Variants in PIEZO2 observed in about 807,000 individuals in gnomAD.
The protein encoded by PIEZO2 is piezo-type mechanosensitive ion channel component 2.
PIEZO2 carries 172 observed loss-of-function variants against 337.3 expected under a neutral mutation model. That is an observed-to-expected ratio of 0.51 (90% CI 0.45 to 0.58). PIEZO2 has a LOEUF of 0.58. PIEZO2 is among the 20% of genes least tolerant of loss of function. The probability of loss-of-function intolerance (pLI) is 0.00; values close to 1 mark genes in which losing one functional copy is unlikely to be tolerated. For missense variants in PIEZO2, 3,028 were observed against 3,391.3 expected (o/e 0.89, Z 2.66); for synonymous variants, 1,251 against 1,228.5 (o/e 1.02, Z -0.38).
intron 3 of PIEZO2, among the ~76,000 whole-genome samples, chr18:10,925,745 T>C (rs1028277415): frequency 9.9e-5 from 15 of 152,234 alleles, no homozygotes; most frequent in African/African-American, 3.1e-4. Context: ...ATCTTCGGTA[T>C]TTTTAGTAGA....
chr18:10,893,190 C>T (rs566789715), intron 4 of PIEZO2, among the ~76,000 whole-genome samples: 1 of 152,274 alleles, frequency 6.6e-6, no homozygotes, highest in South Asian at 2.1e-4. Context: ...ATGAGATATT[C>T]TCCTAAACAA....
intron 3 of PIEZO2, among the ~76,000 whole-genome samples, chr18:10,933,394 A>G (rs2032203479): frequency 6.6e-6 from 1 of 152,142 alleles, no homozygotes; most frequent in Non-Finnish European, 1.5e-5. Context: ...TAGAAATATT[A>G]ATATTTTTTC....
chr18:11,017,841 T>C (rs1002187432), intron 2 of PIEZO2, among the ~76,000 whole-genome samples: 1 of 152,154 alleles, frequency 6.6e-6, no homozygotes, highest in Non-Finnish European at 1.5e-5. Flanking sequence ...TACTACAAAC[T>C]GAGTGGCTTA....
Position 10,946,516 on chromosome 18 carries a change from A to G in PIEZO2, c.286+33019T>C, listed in dbSNP as rs938081525. ...CAGGGTTGAGCAAGGAGCTGAGATT[A>G]CATCCCCTTTTGAAGGCAATGAGAT... On this transcript the variant is annotated intron_variant, in intron 3 of 55. Transcript: ENST00000674853. Among the ~76,000 whole-genome samples, 13 of 152,274 alleles carry G rather than the reference A, an allele frequency of 8.5e-5. No individual in the cohort carries two copies. In the South Asian group the frequency reaches 2.3e-3, roughly 27 times the overall value.
chr18:10,731,177 T>TATATAGA (rs1555633703), intron 36 of PIEZO2, among the ~76,000 whole-genome samples: 1 of 35,234 alleles, frequency 2.8e-5, no homozygotes, highest in African/African-American at 1.3e-4. Flanking sequence ...ACTTAAAAGA[T>TATATAGA]TATATATATA....
intron 36 of PIEZO2, chr18:10,728,202 A>G (rs1198997381): frequency 6.5e-6 from 1 of 152,682 alleles, no homozygotes; most frequent in African/African-American, 2.4e-5. Context: ...AAAAATGATA[A>G]AAACAGGAGT....
chr18:11,134,659 G>A (rs921956184), intron 1 of PIEZO2, among the ~76,000 whole-genome samples: 1 of 152,160 alleles, frequency 6.6e-6, no homozygotes, highest in Non-Finnish European at 1.5e-5. Flanking sequence ...AACACTGCAC[G>A]TTGTACTAAA....
chr18:10,822,883 TTA>T (rs1346266749), intron 7 of PIEZO2, among the ~76,000 whole-genome samples: 1 of 152,222 alleles, frequency 6.6e-6, no homozygotes, highest in Non-Finnish European at 1.5e-5. Flanking sequence ...AAATTAACAT[TTA>T]TATCTAACCC....
intron 7 of PIEZO2, among the ~76,000 whole-genome samples, chr18:10,841,290 T>C (rs560997818): frequency 3.4e-4 from 51 of 152,230 alleles, no homozygotes; most frequent in African/African-American, 1.2e-3. Context: ...TCAAGCTTAC[T>C]GCATCAAGAG....
At chr18:10,740,904 C>G in intron 33 of PIEZO2, 127 bp downstream of exon 33, 1 of 1,001,068 alleles carries the variant, frequency 1.0e-6, no homozygotes, top group Admixed American at 2.0e-5. Flanking sequence ...TCCTACACTC[C>G]GACCCCCTAT....
chr18:10,818,241 T>C (rs550428865), intron 7 of PIEZO2, among the ~76,000 whole-genome samples: 19 of 152,196 alleles, frequency 1.2e-4, no homozygotes, highest in Non-Finnish European at 2.4e-4. Context: ...AGTACTTAGA[T>C]TACTACTCCA....
At position 10,911,102 on chromosome 18, in the gene PIEZO2, T is replaced by C. The variant is rs1407349267; in HGVS notation, c.329+84A>G. 5.4e-6 allele frequency: 5 copies of C among 920,764 alleles called. No individual in the cohort carries two copies. The African/African-American group carries it at 6.6e-5, about 12-fold the overall frequency. The allele number at this position is 920,764 out of a possible 1,614,324, so 57.0% of individuals were successfully genotyped here. ...ACCAAAAGGGTGGTGACAGGACTAT[T>C]GATTTATAATCAATAAATTACTTAG... On this transcript the variant is annotated intron_variant, in intron 4 of 55. Coordinates refer to ENST00000674853, the MANE Select transcript of PIEZO2 (RefSeq NM_001378183.1).
Position 11,104,140 on chromosome 18 carries a change from A to G in PIEZO2, c.65-37918T>C, listed in dbSNP as rs998376427. On this transcript the variant is annotated intron_variant, in intron 1 of 55. Coordinates refer to ENST00000674853, the MANE Select transcript of PIEZO2 (RefSeq NM_001378183.1). This position sits in a 1 kb window ranked among gnomAD's most constrained non-coding sequence, Gnocchi z 4.6. ...ATAGCTTTCACTGGGATTGCAATAT[A>G]ACATATGTCTAGTACCAAAGTATGA... is the stretch of plus-strand genomic sequence containing the variant. Among the ~76,000 whole-genome samples the G allele has an allele frequency of 5.3e-5, 8 of 152,208 alleles. No individual in the cohort carries two copies. Among genetic ancestry groups the G allele is most frequent in the Non-Finnish European group, 1.2e-4 (8 of 68,038 alleles).
rs1002691651 is a variant in PIEZO2 at position 10,713,106 on chromosome 18, T to A, written c.5423+1658A>T. On this transcript the variant is annotated intron_variant, in intron 39 of 55. Transcript: ENST00000674853. This position sits in a 1 kb window ranked among gnomAD's most constrained non-coding sequence, Gnocchi z 4.5. ...TATCTGCACGAATATTACTTCTAAA[T>A]CAATCTAGGCATGAATATATATATT... Among the ~76,000 whole-genome samples the A allele has an allele frequency of 6.6e-6, 1 of 152,182 alleles. No individual in the cohort carries two copies. Among genetic ancestry groups the A allele is most frequent in the Non-Finnish European group, 1.5e-5 (1 of 68,038 alleles).
chr18:10,972,636 A>G (rs1219715864), intron 3 of PIEZO2, among the ~76,000 whole-genome samples: 1 of 152,226 alleles, frequency 6.6e-6, no homozygotes, highest in African/African-American at 2.4e-5. Context: ...AAACCCCAAT[A>G]TAACAGCATT....
At position 10,689,669 on chromosome 18, in the gene PIEZO2, G is replaced by A. The variant is rs757200280; in HGVS notation, c.7483C>T (p.Arg2495Trp). ...TGGCTTCTTACCTTCTCCGACTCCC[G>A]CCAACACTTCAGGATGAATATGTGA... ...YAHIFILKCW[R>W]ESEKRYPQPR... Residue 2495 changes from arginine (R) to tryptophan (W), a missense_variant, in exon 49 of 56, where the codon CGG becomes TGG. By Grantham distance (101) the Arg-to-Trp change is moderately radical. Around this residue, in one of 5 missense-constraint regions of PIEZO2, gnomAD observed 179 missense variants for 281.8 expected, o/e 0.64. Transcript: ENST00000674853. 19 of 1,614,026 alleles carry A rather than the reference G, an allele frequency of 1.2e-5. No individual in the cohort carries two copies. Among genetic ancestry groups the A allele is most frequent in the Middle Eastern group, 3.3e-4 (2 of 6,082 alleles).
intron 2 of PIEZO2, among the ~76,000 whole-genome samples, chr18:11,049,411 G>C (rs1388456879): frequency 1.3e-5 from 2 of 152,220 alleles, no homozygotes; most frequent in African/African-American, 4.8e-5. Flanking sequence ...GCCTGGTAGA[G>C]CAGACACCAG....
chr18:11,068,036 CT>C (rs1348732240), intron 1 of PIEZO2, among the ~76,000 whole-genome samples: 1 of 152,198 alleles, frequency 6.6e-6, no homozygotes, highest in Non-Finnish European at 1.5e-5. Flanking sequence ...ATTTTCCTGC[CT>C]CAGCCTCCCG....
At chr18:10,740,349 G>C (rs2037169098) in intron 33 of PIEZO2, 1 of 152,248 alleles carries the variant, frequency 6.6e-6, no homozygotes, top group African/African-American at 2.4e-5. Flanking sequence ...GGTTTTTGCT[G>C]TTCATTGGTC....
Sources: gnomAD v4.1 joint callset for allele counts (sites outside exome capture counted in the v4.1 genomes callset) on GRCh38, gnomAD v4.1.1 for gene constraint, gnomAD v4.1.1 regional missense constraint, Gnocchi (gnomAD v3.1) non-coding constraint, MANE v1.5 for transcripts, NCBI Gene and HGNC (gene_info 2026-07-23, HGNC 2026-07-21) for gene names.